MTCL1: variants seen among roughly 807,000 people sequenced by gnomAD.
MTCL1 encodes the protein microtubule crosslinking factor 1.
A neutral mutation model predicts 141.4 loss-of-function variants in MTCL1; 79 were observed. The ratio of observed to expected loss-of-function variants is 0.56; its 90% CI spans 0.47 to 0.67. MTCL1 has a LOEUF of 0.67. Among genes scored for constraint, MTCL1 ranks in the 30% least tolerant of loss-of-function variants. The pLI is 0.00. For synonymous variants in MTCL1, 914 were observed against 875.8 expected (o/e 1.04, Z -0.77); for missense variants, 2,177 against 2,113.9 (o/e 1.03, Z -0.59).
At chr18:8,825,211 T>G (rs762957830) in exon 15 of MTCL1, 2 of 1,595,416 alleles carry the variant, frequency 1.3e-6, no homozygotes, top group African/African-American at 1.3e-5. Context: ...CCAGAACCCA[T>G]GCTCAGCAGG....
chr18:8,774,010 A>G (rs2096495070), intron 4 of MTCL1, among the ~76,000 whole-genome samples: 1 of 152,208 alleles, frequency 6.6e-6, no homozygotes, highest in Non-Finnish European at 1.5e-5. Context: ...AGGTCAGCAA[A>G]GTAGTTTGAG....
chr18:8,779,133 G>A lies in MTCL1; in HGVS notation c.417+1241G>A, dbSNP rs764975115. Among the ~76,000 whole-genome samples the A allele has an allele frequency of 1.4e-4, 21 of 152,344 alleles. No homozygotes were observed. Among genetic ancestry groups the A allele is most frequent in the East Asian group, 5.8e-4 (3 of 5,176 alleles). Reference sequence around the variant, plus strand: ...AAGGTAGGCACGTGGGCAGTCACCCGCTCAGGGTGCTGGCTGGACGGCTGA... The same window carrying A: ...AAGGTAGGCACGTGGGCAGTCACCCACTCAGGGTGCTGGCTGGACGGCTGA... On this transcript the variant is annotated intron_variant, in intron 5 of 16. Transcript: ENST00000359865. This position sits in a 1 kb window ranked among gnomAD's most constrained non-coding sequence, Gnocchi z 4.1.
Position 8,705,890 on chromosome 18 carries a change from C to T in MTCL1, c.230C>T (p.Ser77Leu). Residue 77 changes from serine (S) to leucine (L), a missense_variant, in exon 1 of 14, where the codon TCG becomes TTG. Transcript: ENST00000306329. This position sits in a 1 kb window ranked among gnomAD's most constrained non-coding sequence, Gnocchi z 5.2. ...GCCCCGGCTCCCGCCGCCCCGCGCT[C>T]GCCCAACCTCGCGGGCAAAGCGCCG... 2.7e-6 allele frequency: 3 copies of T among 1,108,484 alleles called. No individual in the cohort carries two copies. Among genetic ancestry groups the T allele is most frequent in the Non-Finnish European group, 3.3e-6 (3 of 909,372 alleles). 68.7% of individuals were successfully genotyped at this position (1,108,484 alleles called of 1,614,324 possible).
chr18:8,763,532 A>G (rs555317800), intron 4 of MTCL1, among the ~76,000 whole-genome samples: 1 of 152,332 alleles, frequency 6.6e-6, no homozygotes, highest in Non-Finnish European at 1.5e-5. Flanking sequence ...CTCAATTTCC[A>G]TCTAAACCCA....
intron 7 of MTCL1, chr18:8,787,406 T>G (rs558646532): frequency 6.6e-6 from 1 of 152,670 alleles, no homozygotes; most frequent in South Asian, 2.1e-4. Context: ...TCCTGGTTGG[T>G]GGCAGAACTG....
chr18:8,780,006 G>A (rs1216065664), intron 5 of MTCL1, among the ~76,000 whole-genome samples: 1 of 152,124 alleles, frequency 6.6e-6, no homozygotes, highest in Non-Finnish European at 1.5e-5. Flanking sequence ...CAGAAATCAA[G>A]GTGATTTGAG....
Position 8,722,125 on chromosome 18 carries a change from T to G in MTCL1, c.357+1629T>G, listed in dbSNP as rs1414893919. Among the ~76,000 whole-genome samples, 3 of 139,294 alleles carry G rather than the reference T, an allele frequency of 2.2e-5. No homozygotes were observed. The Admixed American group carries it at 2.4e-4, about 11-fold the overall frequency. 91.4% of individuals were successfully genotyped at this position (139,294 alleles called of 152,430 possible). The stretch of plus-strand genomic sequence containing the variant: ...AATTAAAGTACCAGTTGCTGGTACT[T>G]TACTTCCCTCCTGTTCCTTTGTTCT... On this transcript the variant is annotated intron_variant, in intron 4 of 16. Coordinates refer to ENST00000359865, the Ensembl canonical transcript of MTCL1.
At chr18:8,824,733 C>G in exon 15 of MTCL1, 1 of 1,613,528 alleles carries the variant, frequency 6.2e-7, no homozygotes, top group Non-Finnish European at 8.5e-7. Flanking sequence ...TGAGTTCCAG[C>G]GTCTAATGGA....
chr18:8,742,307 C>G (rs1405919850), intron 4 of MTCL1, among the ~76,000 whole-genome samples: 1 of 152,190 alleles, frequency 6.6e-6, no homozygotes, highest in Non-Finnish European at 1.5e-5. Context: ...CCCTCTCTCC[C>G]TCTCTCCCTC....
chr18:8,714,941 T>A (rs545846801), upstream of MTCL1, among the ~76,000 whole-genome samples: 2 of 151,948 alleles, frequency 1.3e-5, no homozygotes, highest in South Asian at 2.1e-4. Context: ...GGACTACAGG[T>A]GCCCGCCACC....
At position 8,705,696 on chromosome 18, in the gene MTCL1, C is replaced by T; in HGVS notation, c.36C>T (p.Ala12=). ...TGAACGGCCCCGCGGGCGGAGGTGC[C>T]CCGGACGCGAAGCTGCAGCCGCCCG... The change falls in exon 1 of 14, where the codon GCC becomes GCT. Residue 12 remains alanine, a synonymous_variant. Transcript: ENST00000306329. This position sits in a 1 kb window ranked among gnomAD's most constrained non-coding sequence, Gnocchi z 5.2. 1 of 1,201,722 alleles carries T rather than the reference C, an allele frequency of 8.3e-7. No homozygotes were observed. The highest frequency in any genetic ancestry group is 3.3e-5 in the East Asian group (1 of 29,862). The allele number at this position is 1,201,722 out of a possible 1,614,324, so 74.4% of individuals were successfully genotyped here.
chr18:8,740,738 T>C (rs554402330), intron 4 of MTCL1, among the ~76,000 whole-genome samples: 1 of 152,200 alleles, frequency 6.6e-6, no homozygotes, highest in South Asian at 2.1e-4. Context: ...CTGCCTCGGC[T>C]TCCCAAAGTG....
chr18:8,745,370 A>G (rs1261263377), intron 4 of MTCL1, among the ~76,000 whole-genome samples: 4 of 152,156 alleles, frequency 2.6e-5, no homozygotes, highest in African/African-American at 9.7e-5. Context: ...ATTTTTGAAT[A>G]AACCAAGAGA....
At chr18:8,742,679 C>T (rs2096311304) in intron 4 of MTCL1, among the ~76,000 whole-genome samples, 1 of 152,216 alleles carries the variant, frequency 6.6e-6, no homozygotes, top group Non-Finnish European at 1.5e-5. Flanking sequence ...AGCCAAACCA[C>T]ATCACCGTCG....
At chr18:8,781,883 T>C (rs1398693690) in intron 5 of MTCL1, among the ~76,000 whole-genome samples, 1 of 152,140 alleles carries the variant, frequency 6.6e-6, no homozygotes, top group African/African-American at 2.4e-5. Context: ...AGTGGGCGTG[T>C]CATCCTCCCG....
exon 15 of MTCL1, chr18:8,825,486 A>C: frequency 6.2e-7 from 1 of 1,609,944 alleles, no homozygotes; most frequent in Non-Finnish European, 8.5e-7. Context: ...TCAGACCATC[A>C]GTGTGGGCTT....
At chr18:8,784,927 G>T in intron 6 of MTCL1, 84 bp downstream of exon 5, 1 of 1,219,182 alleles carries the variant, frequency 8.2e-7, no homozygotes, top group Admixed American at 2.5e-5. Flanking sequence ...GGCTCACGCT[G>T]CTCACGGCTG....
chr18:8,772,357 T>C (rs2096488355), intron 4 of MTCL1, among the ~76,000 whole-genome samples: 1 of 152,228 alleles, frequency 6.6e-6, no homozygotes, highest in African/African-American at 2.4e-5. Flanking sequence ...CAATCCCACA[T>C]AGGAGATCTG....
chr18:8,735,921 AC>A (rs2096272739), intron 4 of MTCL1, among the ~76,000 whole-genome samples: 1 of 152,168 alleles, frequency 6.6e-6, no homozygotes. Flanking sequence ...ATTTTTTTTA[AC>A]CAAAATATCT....
Sources: allele counts gnomAD v4.1 joint callset (sites outside exome capture counted in the v4.1 genomes callset), GRCh38; gene constraint gnomAD v4.1.1; non-coding constraint Gnocchi (gnomAD v3.1); transcripts MANE v1.5; gene names NCBI Gene and HGNC (gene_info 2026-07-23, HGNC 2026-07-21).